Variants in PALM2AKAP2 observed in about 807,000 individuals in gnomAD.
The protein encoded by PALM2AKAP2 is PALM2-AKAP2 fusion protein.
PALM2AKAP2 carries 37 observed loss-of-function variants against 71.5 expected under a neutral mutation model. The ratio of observed to expected loss-of-function variants is 0.52; its 90% confidence interval spans 0.40 to 0.68. The LOEUF (loss-of-function observed/expected upper bound fraction) is 0.68, where lower values mean the gene tolerates loss of function less well. PALM2AKAP2 is among the 30% of genes least tolerant of loss of function. PALM2AKAP2 has a pLI of 0.00. For missense variants in PALM2AKAP2, 1,224 were observed against 1,191.8 expected (o/e 1.03, Z -0.40); for synonymous variants, 468 against 478.8 (o/e 0.98, Z 0.29).
chr9:110,074,648 C>A (rs1225903124), intron 1 of PALM2AKAP2, among the ~76,000 whole-genome samples: 1 of 152,188 alleles, frequency 6.6e-6, no homozygotes, highest in Non-Finnish European at 1.5e-5. Context: ...TATAAACACA[C>A]ACACGCACAT....
intron 3 of PALM2AKAP2, among the ~76,000 whole-genome samples, chr9:109,911,053 G>T (rs1830557268): frequency 6.6e-6 from 1 of 152,298 alleles, no homozygotes; most frequent in African/African-American, 2.4e-5. Context: ...TATCCTCCCA[G>T]ATCAGTCTGC....
At chr9:109,824,052 G>C (rs1255402294) in intron 1 of PALM2AKAP2, among the ~76,000 whole-genome samples, 2 of 152,016 alleles carry the variant, frequency 1.3e-5, no homozygotes, top group Non-Finnish European at 2.9e-5. Flanking sequence ...ACTATGCCTG[G>C]CTGATTTTTG....
intron 2 of PALM2AKAP2, among the ~76,000 whole-genome samples, chr9:110,147,748 TGACAAAGCAA>T (rs1836213366): frequency 6.6e-6 from 1 of 152,228 alleles, no homozygotes; most frequent in East Asian, 1.9e-4. Flanking sequence ...CCAGTCTGAG[TGACAAAGCAA>T]GACCCTGTCT....
At chr9:109,697,800 A>G (rs1434698276) in intron 1 of PALM2AKAP2, among the ~76,000 whole-genome samples, 2 of 152,190 alleles carry the variant, frequency 1.3e-5, no homozygotes, top group Non-Finnish European at 2.9e-5. Flanking sequence ...TGGCATTGCA[A>G]CTTCCAGCTG....
At chr9:109,760,039 C>T (rs1664762426) in intron 1 of PALM2AKAP2, among the ~76,000 whole-genome samples, 1 of 152,118 alleles carries the variant, frequency 6.6e-6, no homozygotes, top group Non-Finnish European at 1.5e-5. Flanking sequence ...TCTCTTGGTA[C>T]TTCTGTTGTC....
chr9:109,875,319 A>C (rs1829698513), intron 2 of PALM2AKAP2, among the ~76,000 whole-genome samples: 2 of 152,162 alleles, frequency 1.3e-5, no homozygotes, highest in African/African-American at 4.8e-5. Flanking sequence ...TCTTTGTCAC[A>C]TTGTCCTGTC....
intron 1 of PALM2AKAP2, among the ~76,000 whole-genome samples, chr9:110,091,185 A>C (rs1018329131): frequency 4.6e-5 from 7 of 152,086 alleles, no homozygotes; most frequent in African/African-American, 1.7e-4. Context: ...TGTCTATATC[A>C]GTGTAGTGAT....
intron 6 of PALM2AKAP2, among the ~76,000 whole-genome samples, chr9:109,959,973 C>T (rs893439343): frequency 6.6e-6 from 1 of 152,214 alleles, no homozygotes; most frequent in East Asian, 1.9e-4. Flanking sequence ...TGTTCTCTTT[C>T]TCCAGAATTA....
upstream of PALM2AKAP2, among the ~76,000 whole-genome samples, chr9:109,777,740 G>A (rs934411092): frequency 3.3e-5 from 5 of 152,092 alleles, no homozygotes; most frequent in Middle Eastern, 3.2e-3. Context: ...ATATGACCCT[G>A]TTGAAAACCT....
intron 1 of PALM2AKAP2, among the ~76,000 whole-genome samples, chr9:109,788,716 TG>T (rs1178399154): frequency 1.3e-5 from 2 of 152,058 alleles, no homozygotes; most frequent in Non-Finnish European, 2.9e-5. Flanking sequence ...TCTGAAGAGG[TG>T]AAATAGAATA....
intron 1 of PALM2AKAP2, among the ~76,000 whole-genome samples, chr9:109,847,440 G>C (rs777242635): frequency 4.6e-5 from 7 of 152,136 alleles, no homozygotes; most frequent in Non-Finnish European, 8.8e-5. Context: ...AACTGTGAGA[G>C]AATAAATATC....
intron 1 of PALM2AKAP2, among the ~76,000 whole-genome samples, chr9:109,714,659 T>C (rs1200833088): frequency 6.6e-6 from 1 of 152,196 alleles, no homozygotes; most frequent in African/African-American, 2.4e-5. Flanking sequence ...CCGATAATTA[T>C]GACCATGTAT....
intron 1 of PALM2AKAP2, among the ~76,000 whole-genome samples, chr9:109,788,232 T>G (rs1417076232): frequency 2.6e-5 from 4 of 152,230 alleles, no homozygotes. Flanking sequence ...ACTCAAGGTA[T>G]GCAAATCTGA....
chr9:109,977,544 T>C (rs1832192889), intron 6 of PALM2AKAP2, among the ~76,000 whole-genome samples: 1 of 152,170 alleles, frequency 6.6e-6, no homozygotes, highest in African/African-American at 2.4e-5. Flanking sequence ...TCCTGATGGT[T>C]CTCTAGGCTC....
At chr9:109,700,121 T>C (rs1459794293) in intron 1 of PALM2AKAP2, among the ~76,000 whole-genome samples, 1 of 152,134 alleles carries the variant, frequency 6.6e-6, no homozygotes, top group Non-Finnish European at 1.5e-5. Flanking sequence ...AAGGAAGAGA[T>C]ATAAATACCA....
At chr9:109,917,493 T>TG (rs1046103544) in intron 3 of PALM2AKAP2, among the ~76,000 whole-genome samples, 2 of 148,182 alleles carry the variant, frequency 1.3e-5, no homozygotes, top group African/African-American at 5.0e-5. Context: ...CCTTTTTTTT[T>TG]TTTTTTTTTT....
intron 3 of PALM2AKAP2, among the ~76,000 whole-genome samples, chr9:109,910,088 TGTGGGG>T (rs1830535210): frequency 6.6e-6 from 1 of 152,176 alleles, no homozygotes; most frequent in East Asian, 1.9e-4. Context: ...AAAAGAGATT[TGTGGGG>T]CAAATTGGCT....
intron 2 of PALM2AKAP2, among the ~76,000 whole-genome samples, chr9:110,141,849 A>G (rs1836039195): frequency 6.6e-6 from 1 of 152,216 alleles, no homozygotes; most frequent in African/African-American, 2.4e-5. Context: ...ACTGAGAGCC[A>G]AGATGTGGTA....
chr9:109,643,165 A>G (rs1827097348), intron 1 of PALM2AKAP2, among the ~76,000 whole-genome samples: 1 of 152,322 alleles, frequency 6.6e-6, no homozygotes, highest in Middle Eastern at 3.4e-3. Context: ...ATTGAGAGTA[A>G]CATAATTCCC....
Sources: gnomAD v4.1 joint callset for allele counts (sites outside exome capture counted in the v4.1 genomes callset) on GRCh38, gnomAD v4.1.1 for gene constraint, MANE v1.5 for transcripts, NCBI Gene and HGNC (gene_info 2026-07-23, HGNC 2026-07-21) for gene names.